Variants in ANKS1B observed in about 807,000 individuals in gnomAD.
ANKS1B encodes the protein ankyrin repeat and sterile alpha motif domain-containing protein 1B.
ANKS1B carries 36 observed loss-of-function variants against 148.3 expected under a neutral mutation model. The observed-to-expected ratio is 0.24, with a 90% CI of 0.19 to 0.32. The LOEUF (loss-of-function observed/expected upper bound fraction) is 0.32, where lower values mean the gene tolerates loss of function less well. ANKS1B is among the 10% of genes least tolerant of loss of function. The probability of loss-of-function intolerance (pLI) is 1.00; values close to 1 mark genes in which losing one functional copy is unlikely to be tolerated. For missense variants in ANKS1B, 1,157 were observed against 1,542.6 expected (o/e 0.75, Z 4.19); for synonymous variants, 542 against 560.8 (o/e 0.97, Z 0.47).
chr12:99,591,918 C>T (rs1406291533), intron 9 of ANKS1B, among the ~76,000 whole-genome samples: 4 of 152,166 alleles, frequency 2.6e-5, no homozygotes, highest in Non-Finnish European at 5.9e-5. Context: ...TTTTCAATTG[C>T]TGTTGCTGGT....
Position 99,449,209 on chromosome 12 carries a change from G to GT in ANKS1B, c.1439-5401dup, listed in dbSNP as rs1227407470. On this transcript the variant is annotated intron_variant, in intron 10 of 26. Coordinates refer to ENST00000683438, the MANE Select transcript of ANKS1B (RefSeq NM_001352186.2). ...AAAATGGCAAATACAATTGGCTTTGGTTTTTTAATCTGATAATTCCAGCAT... is the reference window on the plus strand; with the variant it reads ...AAAATGGCAAATACAATTGGCTTTGGTTTTTTTAATCTGATAATTCCAGCAT... Among the ~76,000 whole-genome samples the GT allele has an allele frequency of 2.0e-5, 3 of 152,020 alleles. No individual in the cohort carries two copies. In the East Asian group the frequency reaches 5.8e-4, roughly 29 times the overall value.
intron 17 of ANKS1B, among the ~76,000 whole-genome samples, chr12:99,036,710 C>T (rs923886378): frequency 1.3e-5 from 2 of 152,174 alleles, no homozygotes; most frequent in Non-Finnish European, 2.9e-5. Context: ...GACATATTTC[C>T]TTTAAAAGCA....
At chr12:99,842,636 C>A (rs759049628) in intron 1 of ANKS1B, among the ~76,000 whole-genome samples, 1 of 152,054 alleles carries the variant, frequency 6.6e-6, no homozygotes, top group Non-Finnish European at 1.5e-5. Flanking sequence ...TGGTAATTTT[C>A]CATCCACTGA....
chr12:99,128,814 A>C, intron 15 of ANKS1B, among the ~76,000 whole-genome samples: 1 of 152,224 alleles, frequency 6.6e-6, no homozygotes, highest in East Asian at 1.9e-4. Flanking sequence ...AAAAGTTCTG[A>C]GGCCTAGAAG....
chr12:98,831,916 A>C (rs1475586753), intron 18 of ANKS1B, 113 bp downstream of exon 18: 1 of 994,520 alleles, frequency 1.0e-6, no homozygotes, highest in Admixed American at 2.0e-5. Flanking sequence ...CACCTGGCTA[A>C]ATTTTTTCTG....
At chr12:99,063,761 G>A (rs965941282) in intron 16 of ANKS1B, among the ~76,000 whole-genome samples, 1 of 152,192 alleles carries the variant, frequency 6.6e-6, no homozygotes, top group African/African-American at 2.4e-5. Context: ...GAGAGCCTGA[G>A]TATCCCATAT....
At chr12:99,535,184 T>C (rs919784844) in intron 9 of ANKS1B, among the ~76,000 whole-genome samples, 1 of 152,298 alleles carries the variant, frequency 6.6e-6, no homozygotes, top group Middle Eastern at 3.4e-3. Flanking sequence ...AAAATAAGAA[T>C]TAGTCACATA....
At chr12:98,767,007 T>C (rs1028781755) in intron 25 of ANKS1B, among the ~76,000 whole-genome samples, 2 of 149,818 alleles carry the variant, frequency 1.3e-5, no homozygotes, top group African/African-American at 4.9e-5. Flanking sequence ...TTTGCAGACA[T>C]GGGGTTGCCC....
chr12:99,679,227 C>T (rs1047407025), intron 8 of ANKS1B, among the ~76,000 whole-genome samples: 5 of 152,188 alleles, frequency 3.3e-5, no homozygotes, highest in Admixed American at 1.3e-4. Flanking sequence ...TGAAGTTACA[C>T]TCAGATTAAA....
chr12:99,552,496 C>G (rs947009327), intron 9 of ANKS1B, among the ~76,000 whole-genome samples: 1 of 152,172 alleles, frequency 6.6e-6, no homozygotes, highest in African/African-American at 2.4e-5. Context: ...AAAACTCTCA[C>G]TAAATAGTTG....
intron 15 of ANKS1B, among the ~76,000 whole-genome samples, chr12:99,121,143 T>C (rs1239426344): frequency 3.9e-5 from 6 of 151,920 alleles, no homozygotes; most frequent in African/African-American, 1.5e-4. Context: ...GAGGTTTTAA[T>C]TTGGGGACTA....
At chr12:99,069,909 A>G (rs1319773854) in intron 16 of ANKS1B, among the ~76,000 whole-genome samples, 1 of 152,190 alleles carries the variant, frequency 6.6e-6, no homozygotes, top group African/African-American at 2.4e-5. Flanking sequence ...TAGACTCTGG[A>G]GCCAGCCTGG....
chr12:99,240,905 G>A (rs954852696), intron 14 of ANKS1B, among the ~76,000 whole-genome samples: 2 of 152,222 alleles, frequency 1.3e-5, no homozygotes, highest in African/African-American at 4.8e-5. Context: ...GCAGCGTGTA[G>A]AGGGAAACTT....
chr12:99,099,785 T>G lies in ANKS1B; in HGVS notation c.2527-14762A>C, dbSNP rs529619763. The G allele has an allele frequency of 2.0e-5, 3 of 152,336 alleles. No homozygotes were observed. In the South Asian group the frequency reaches 6.2e-4, roughly 32 times the overall value. 9.4% of individuals were successfully genotyped at this position (152,336 alleles called of 1,614,324 possible). A position where few individuals can be genotyped will look rare whatever the true frequency, so the allele number is the denominator to read the frequency against. ...TAATAACATAAAATTTTAATGTTTC[T>G]TTACACAGAACATTAAATAGTAAAC... is the stretch of plus-strand genomic sequence containing the variant. On this transcript the variant is annotated intron_variant, in intron 15 of 26. Transcript: ENST00000683438.
At chr12:99,773,456 G>T (rs955088082) in intron 7 of ANKS1B, among the ~76,000 whole-genome samples, 3 of 152,072 alleles carry the variant, frequency 2.0e-5, no homozygotes, top group Non-Finnish European at 4.4e-5. Flanking sequence ...TAGCAAATTT[G>T]AAACGGTGCT....
intron 17 of ANKS1B, among the ~76,000 whole-genome samples, chr12:98,879,040 T>G (rs1440478457): frequency 6.6e-6 from 1 of 152,220 alleles, no homozygotes; most frequent in Non-Finnish European, 1.5e-5. Flanking sequence ...AGACAACCTG[T>G]GAGGCCATAT....
At chr12:99,206,492 TG>T (rs1411784499) in intron 14 of ANKS1B, among the ~76,000 whole-genome samples, 3 of 152,164 alleles carry the variant, frequency 2.0e-5, no homozygotes, top group African/African-American at 7.2e-5. Flanking sequence ...AAAAATTTAA[TG>T]GGCTCTTTTC....
intron 10 of ANKS1B, among the ~76,000 whole-genome samples, chr12:99,473,531 A>G (rs1033661583): frequency 6.6e-6 from 1 of 152,020 alleles, no homozygotes; most frequent in African/African-American, 2.4e-5. Context: ...TTGTCATCCA[A>G]TGTGGAGTAC....
At chr12:99,463,810 A>C (rs376836560) in intron 10 of ANKS1B, among the ~76,000 whole-genome samples, 112 of 152,348 alleles carry the variant, frequency 7.4e-4, no homozygotes, top group African/African-American at 2.3e-3. Context: ...GGTGGAGCCC[A>C]CCACAGCTCA....
Sources: gnomAD v4.1 joint callset for allele counts (sites outside exome capture counted in the v4.1 genomes callset) on GRCh38, gnomAD v4.1.1 for gene constraint, MANE v1.5 for transcripts, NCBI Gene and HGNC (gene_info 2026-07-23, HGNC 2026-07-21) for gene names.